Variants in KCNIP4 observed in about 807,000 individuals in gnomAD.
KCNIP4 encodes Kv channel-interacting protein 4.
A neutral mutation model predicts 34.0 loss-of-function variants in KCNIP4; 12 were observed. The ratio of observed to expected loss-of-function variants is 0.35; its 90% CI spans 0.23 to 0.57. The LOEUF (loss-of-function observed/expected upper bound fraction) is 0.57, where lower values mean the gene tolerates loss of function less well. Ranked by LOEUF, KCNIP4 falls within the 20% of genes least tolerant of loss-of-function variation. KCNIP4 has a pLI of 0.83. For synonymous variants in KCNIP4, 124 were observed against 102.2 expected, an observed-to-expected ratio of 1.21 and a Z score of -1.29; for missense variants, 238 against 311.7, an observed-to-expected ratio of 0.76 and a Z score of 1.78.
At chr4:21,656,982 T>C (rs1748006258) in intron 1 of KCNIP4, 1 of 152,174 alleles carries the variant, frequency 6.6e-6, no homozygotes, top group South Asian at 2.1e-4. Context: ...CATCCTGACC[T>C]CCACATTCCT....
chr4:21,488,076 A>G (rs1732075343), intron 1 of KCNIP4, among the ~76,000 whole-genome samples: 1 of 152,232 alleles, frequency 6.6e-6, no homozygotes, highest in African/African-American at 2.4e-5. Flanking sequence ...TAATTGACAT[A>G]GAAGGAGAAT....
chr4:20,831,488 A>G (rs1203567340), intron 3 of KCNIP4, among the ~76,000 whole-genome samples: 1 of 152,192 alleles, frequency 6.6e-6, no homozygotes, highest in Non-Finnish European at 1.5e-5. Flanking sequence ...TACAGTGAAA[A>G]GGACATGGCC....
intron 1 of KCNIP4, among the ~76,000 whole-genome samples, chr4:21,694,361 A>G (rs1233896042): frequency 3.3e-5 from 5 of 152,186 alleles, no homozygotes; most frequent in Admixed American, 1.3e-4. Flanking sequence ...TTGATCCTAC[A>G]GTGAACTGAG....
chr4:21,024,518 A>G (rs941120807), intron 1 of KCNIP4, among the ~76,000 whole-genome samples: 1 of 152,244 alleles, frequency 6.6e-6, no homozygotes. Flanking sequence ...TTAGTCTTCC[A>G]GATATTAGAG....
chr4:21,637,249 T>C (rs1746255235), intron 1 of KCNIP4, among the ~76,000 whole-genome samples: 1 of 152,136 alleles, frequency 6.6e-6, no homozygotes, highest in South Asian at 2.1e-4. Flanking sequence ...TATTTTAATT[T>C]TAAAGACGAG....
chr4:21,010,774 C>T (rs1021010468), intron 1 of KCNIP4, among the ~76,000 whole-genome samples: 12 of 152,222 alleles, frequency 7.9e-5, no homozygotes, highest in East Asian at 1.9e-4. Context: ...AATATTGAAA[C>T]ACAAGATATA....
intron 1 of KCNIP4, among the ~76,000 whole-genome samples, chr4:21,947,654 A>C (rs1730580089): frequency 6.6e-6 from 1 of 152,116 alleles, no homozygotes. Context: ...CTCGAGTCCA[A>C]GTTTTTCACC....
intron 1 of KCNIP4, among the ~76,000 whole-genome samples, chr4:21,516,924 T>C (rs1346558252): frequency 1.3e-5 from 2 of 152,152 alleles, no homozygotes; most frequent in Non-Finnish European, 2.9e-5. Flanking sequence ...TAGAGACTGG[T>C]TCCTGATTGC....
chr4:21,762,929 C>T lies in KCNIP4; in HGVS notation c.61+185642G>A. ...TGGAGGGAAGGACTCACATGATGATCTGACAGGTGCTCCCACTTCCGAAGT... is the reference window on the plus strand; with the variant it reads ...TGGAGGGAAGGACTCACATGATGATTTGACAGGTGCTCCCACTTCCGAAGT... On this transcript the variant is annotated intron_variant, in intron 1 of 8. Transcript: ENST00000382152. 3 of 1,288,458 alleles carry T rather than the reference C, an allele frequency of 2.3e-6. 1 individual carries two copies. The Admixed American group carries it at 6.9e-5, about 30-fold the overall frequency. 79.8% of individuals were successfully genotyped at this position (1,288,458 alleles called of 1,614,324 possible).
chr4:20,812,518 T>G (rs1384350520), intron 3 of KCNIP4, among the ~76,000 whole-genome samples: 7 of 152,168 alleles, frequency 4.6e-5, no homozygotes. Flanking sequence ...GAGTCCAAGC[T>G]TAAACATATT....
intron 1 of KCNIP4, among the ~76,000 whole-genome samples, chr4:20,894,967 A>T (rs1381447591): frequency 6.6e-6 from 1 of 152,212 alleles, no homozygotes; most frequent in Non-Finnish European, 1.5e-5. Flanking sequence ...CAAGAGCCCC[A>T]CTTGTGGAAG....
At chr4:21,835,332 TAGAAAATTTTAAATAGTCTATAAA>T (rs1019413934) in intron 1 of KCNIP4, among the ~76,000 whole-genome samples, 1 of 152,002 alleles carries the variant, frequency 6.6e-6, no homozygotes, top group African/African-American at 2.4e-5. Context: ...AATAACATAA[TAGAAAATTTTAAATAGTCTATAAA>T]AAATAAAAAG....
intron 1 of KCNIP4, among the ~76,000 whole-genome samples, chr4:20,902,656 G>T (rs1343684679): frequency 6.6e-6 from 1 of 151,974 alleles, no homozygotes; most frequent in East Asian, 1.9e-4. Context: ...AGTAGCTGGG[G>T]TTACAGGTAC....
chr4:21,505,192 G>A (rs991072731), intron 1 of KCNIP4, among the ~76,000 whole-genome samples: 1 of 151,636 alleles, frequency 6.6e-6, no homozygotes, highest in Admixed American at 6.6e-5. Flanking sequence ...ACATGTTCTT[G>A]AACTGGTTCT....
chr4:20,766,368 C>T (rs1474618843), intron 3 of KCNIP4, among the ~76,000 whole-genome samples: 1 of 152,074 alleles, frequency 6.6e-6, no homozygotes, highest in Non-Finnish European at 1.5e-5. Context: ...CAGTTCGAGA[C>T]CAGCTTGGAC....
chr4:21,821,154 T>G (rs906671879), intron 1 of KCNIP4, among the ~76,000 whole-genome samples: 2 of 152,120 alleles, frequency 1.3e-5, no homozygotes, highest in Non-Finnish European at 2.9e-5. Flanking sequence ...ATAATATATA[T>G]AGACGCCACT....
chr4:21,680,551 A>G (rs1750267567), intron 1 of KCNIP4, among the ~76,000 whole-genome samples: 1 of 152,212 alleles, frequency 6.6e-6, no homozygotes, highest in Admixed American at 6.5e-5. Flanking sequence ...CCAGATCATC[A>G]GAGGAATCAC....
intron 1 of KCNIP4, among the ~76,000 whole-genome samples, chr4:21,206,513 A>G (rs932973311): frequency 5.9e-5 from 9 of 152,172 alleles, no homozygotes; most frequent in African/African-American, 2.2e-4. Context: ...CTTTACTCAT[A>G]CATTCACTCT....
chr4:20,761,909 C>T (rs141306956), intron 3 of KCNIP4, among the ~76,000 whole-genome samples: 18 of 152,252 alleles, frequency 1.2e-4, no homozygotes, highest in Non-Finnish European at 2.2e-4. Flanking sequence ...TACATCTCTA[C>T]AAACACATAC....
Sources: gnomAD v4.1 joint callset for allele counts (sites outside exome capture counted in the v4.1 genomes callset) on GRCh38, gnomAD v4.1.1 for gene constraint, MANE v1.5 for transcripts, NCBI Gene and HGNC (gene_info 2026-07-23, HGNC 2026-07-21) for gene names.